FGR: variants seen among roughly 807,000 people sequenced by gnomAD.
The protein encoded by FGR is tyrosine-protein kinase Fgr.
A neutral mutation model predicts 63.2 loss-of-function variants in FGR; 26 were observed. The observed-to-expected ratio is 0.41, with a 90% CI of 0.30 to 0.57. The LOEUF (loss-of-function observed/expected upper bound fraction) is 0.57, where lower values mean the gene tolerates loss of function less well. FGR is among the 20% of genes least tolerant of loss of function. FGR has a pLI of 0.27. For synonymous variants in FGR, 286 were observed against 277.7 expected, an observed-to-expected ratio of 1.03 and a Z score of -0.30; for missense variants, 511 against 690.8, an observed-to-expected ratio of 0.74 and a Z score of 2.92.
rs751657997 is a variant in FGR, at chr1:27,616,827, G to C, written c.682+30C>G. 3 of 1,610,762 alleles carry C rather than the reference G, an allele frequency of 1.9e-6. No homozygotes were observed. On this transcript the variant is annotated intron_variant, in intron 7 of 12. Transcript: ENST00000374005. This position sits in a 1 kb window ranked among gnomAD's most constrained non-coding sequence, Gnocchi z 4.3. The stretch of plus-strand genomic sequence containing the variant: ...CATCTGGACAATGCTTCAGTTGGTT[G>C]GTTCAGGGATCTGAGGCCCCTGCCC...
In FGR at chr1:27,615,539, C is replaced by T. The variant is rs2089790201; in HGVS notation, c.913G>A (p.Glu305Lys). The T allele has an allele frequency of 2.5e-6, 4 of 1,613,888 alleles. No homozygotes were observed. The highest frequency in any genetic ancestry group is 3.4e-6 in the Non-Finnish European group (4 of 1,179,892). ...PGTMSPKAFL[E>K]EAQVMKLLRH... ...AGCAGCTTCATGACCTGCGCCTCCT[C>T]CAGGAAGGCCTTCGGGGACATGGTG... The change falls in exon 9 of 13, where the codon GAG (glutamate) becomes AAG (lysine). Residue 305 changes from glutamate to lysine, a missense_variant. Glu to Lys is a moderately conservative substitution (Grantham distance 56). Coordinates refer to ENST00000374005, the MANE Select transcript of FGR (RefSeq NM_005248.3). The surrounding 1 kb of genome is among the most constrained non-coding windows in gnomAD (Gnocchi z 7.6).
At position 27,616,201 on chromosome 1, in the gene FGR, TC is replaced by T; in HGVS notation, c.683-358del. Among the ~76,000 whole-genome samples, 1 of 152,118 alleles carries T rather than the reference TC, an allele frequency of 6.6e-6. No individual in the cohort carries two copies. Among genetic ancestry groups the T allele is most frequent in the Non-Finnish European group, 1.5e-5 (1 of 68,006 alleles). On this transcript the variant is annotated intron_variant, in intron 7 of 12. Transcript: ENST00000374005. The surrounding 1 kb of genome is among the most constrained non-coding windows in gnomAD (Gnocchi z 4.3). ...GGTGTGGACATGAGGCCCACGGTCT[TC>T]CGTGGACCTCATCCTTGGCATAACC...
chr1:27,621,527 A>C (rs1295193766), intron 5 of FGR, 32 bp downstream of exon 5: 1 of 1,545,946 alleles, frequency 6.5e-7, no homozygotes, highest in African/African-American at 1.4e-5. Flanking sequence ...GGTCCTGTCC[A>C]TAGGGCTGGT....
chr1:27,615,556 G>A lies in FGR; in HGVS notation c.896C>T (p.Ser299Phe). ...CGCCTCCTCCAGGAAGGCCTTCGGG[G>A]ACATGGTGCCCGGCTTCAGCGTCTT... is the stretch of plus-strand genomic sequence containing the variant. The part of the protein sequence containing the change: ...AVKTLKPGTM[S>F]PKAFLEEAQV... The change falls in exon 9 of 13, where the codon TCC (serine) becomes TTC (phenylalanine). Residue 299 changes from serine to phenylalanine, a missense_variant. Coordinates refer to ENST00000374005, the MANE Select transcript of FGR (RefSeq NM_005248.3). The surrounding 1 kb of genome is among the most constrained non-coding windows in gnomAD (Gnocchi z 7.6). 1 of 1,613,848 alleles carries A rather than the reference G, an allele frequency of 6.2e-7. No individual in the cohort carries two copies. The highest frequency in any genetic ancestry group is 8.5e-7 in the Non-Finnish European group (1 of 1,179,764).
At chr1:27,630,077 G>A (rs2148532026) in intron 1 of FGR, among the ~76,000 whole-genome samples, 1 of 152,074 alleles carries the variant, frequency 6.6e-6, no homozygotes, top group South Asian at 2.1e-4. Context: ...TTTTGAGACG[G>A]GGTCTCACTC....
chr1:27,623,791 C>A lies in FGR; in HGVS notation c.126G>T (p.Arg42=). The part of the protein sequence containing the change: ...DHYGPDPTKA[R]PASSFAHIPN... ...GGATGTGGGCAAATGAGGATGCAGGCCGGGCCTTAGTGGGGTCAGGCCCAT... is the reference window on the plus strand; with the variant it reads ...GGATGTGGGCAAATGAGGATGCAGGACGGGCCTTAGTGGGGTCAGGCCCAT... Residue 42 remains arginine, a synonymous_variant, in exon 3 of 13, where the codon CGG becomes CGT. Coordinates refer to ENST00000374005, the MANE Select transcript of FGR (RefSeq NM_005248.3). 1.9e-6 allele frequency: 3 copies of A among 1,614,242 alleles called. No individual in the cohort carries two copies. The highest frequency in any genetic ancestry group is 2.5e-6 in the Non-Finnish European group (3 of 1,180,050).
intron 1 of FGR, among the ~76,000 whole-genome samples, chr1:27,628,746 A>G (rs1026687766): frequency 6.6e-6 from 1 of 152,144 alleles, no homozygotes; most frequent in African/African-American, 2.4e-5. Flanking sequence ...CATGCCCAGT[A>G]TGGCTGGAAG....
Position 27,615,830 on chromosome 1 carries a change from G to T in FGR, c.697C>A (p.Leu233Met). 1 of 1,592,404 alleles carries T rather than the reference G, an allele frequency of 6.3e-7. No individual in the cohort carries two copies. Among genetic ancestry groups the T allele is most frequent in the Non-Finnish European group, 8.6e-7 (1 of 1,168,982 alleles). ...CAGGGCGCGATGAGCAGGTTGCACA[G>T]CCCGTCATTCACCTCTAGGGGAGGG... ...VQHYMEVNDG[L>M]CNLLIAPCTI... The change falls in exon 8 of 13, where the codon CTG becomes ATG. Residue 233 changes from leucine (L) to methionine (M), a missense_variant. By Grantham distance (15) the Leu-to-Met change is conservative. Transcript: ENST00000374005. The surrounding 1 kb of genome is among the most constrained non-coding windows in gnomAD (Gnocchi z 7.6).
At chr1:27,623,502 C>A (rs1249694329) in intron 3 of FGR, 189 bp downstream of exon 3, 7 of 677,572 alleles carry the variant, frequency 1.0e-5, no homozygotes, top group Middle Eastern at 4.8e-4. Context: ...AGCTTCTTGA[C>A]CCTCCCCTGC....
chr1:27,623,217 T>A, intron 3 of FGR, 73 bp from the exon 4 acceptor site: 1 of 1,135,230 alleles, frequency 8.8e-7, no homozygotes, highest in South Asian at 1.3e-5. Flanking sequence ...CCCAAATTCC[T>A]GTTCCCCAGC....
intron 5 of FGR, among the ~76,000 whole-genome samples, chr1:27,620,610 CT>C (rs1336413510): frequency 6.6e-6 from 1 of 152,086 alleles, no homozygotes; most frequent in African/African-American, 2.4e-5. Context: ...GAGCACGCCC[CT>C]GTCTCTTAAA....
intron 2 of FGR, among the ~76,000 whole-genome samples, chr1:27,624,394 C>T (rs2089984555): frequency 6.6e-6 from 1 of 152,120 alleles, no homozygotes; most frequent in Admixed American, 6.5e-5. Flanking sequence ...GTGCCAGTAC[C>T]CCTGGCTAAT....
At chr1:27,634,409 C>T (rs776620016) in intron 1 of FGR, among the ~76,000 whole-genome samples, 1 of 152,168 alleles carries the variant, frequency 6.6e-6, no homozygotes, top group Admixed American at 6.5e-5. Context: ...CCCTGCAGCC[C>T]GGAACCTACC....
At chr1:27,622,801 C>T (rs576484095) in intron 4 of FGR, among the ~76,000 whole-genome samples, 5 of 152,340 alleles carry the variant, frequency 3.3e-5, no homozygotes, top group East Asian at 1.9e-4. Flanking sequence ...CCACTGCACC[C>T]GGCCGTCTAT....
At position 27,616,309 on chromosome 1, in the gene FGR, G is replaced by C. The variant is rs1464436784; in HGVS notation, c.683-465C>G. Among the ~76,000 whole-genome samples the C allele has an allele frequency of 1.3e-5, 2 of 152,156 alleles. No homozygotes were observed. The highest frequency in any genetic ancestry group is 2.9e-5 in the Non-Finnish European group (2 of 68,028). ...TTCTCCACCAAGTCAGGCCTATTCT[G>C]CCTCCTACCCAGCTTCAGAATCGTC... On this transcript the variant is annotated intron_variant, in intron 7 of 12. Coordinates refer to ENST00000374005, the MANE Select transcript of FGR (RefSeq NM_005248.3). The surrounding 1 kb of genome is among the most constrained non-coding windows in gnomAD (Gnocchi z 4.3).
At chr1:27,632,006 G>A (rs1470348228) in intron 1 of FGR, among the ~76,000 whole-genome samples, 1 of 151,966 alleles carries the variant, frequency 6.6e-6, no homozygotes, top group Non-Finnish European at 1.5e-5. Flanking sequence ...CTCAGACCGG[G>A]CGGGCTTCCA....
chr1:27,622,797 C>T (rs1157236931), intron 4 of FGR, among the ~76,000 whole-genome samples: 1 of 152,258 alleles, frequency 6.6e-6, no homozygotes, highest in Non-Finnish European at 1.5e-5. Flanking sequence ...TGAGCCACTG[C>T]ACCCGGCCGT....
chr1:27,632,007 C>A (rs1046852393), intron 1 of FGR, among the ~76,000 whole-genome samples: 1 of 152,068 alleles, frequency 6.6e-6, no homozygotes, highest in East Asian at 1.9e-4. Context: ...TCAGACCGGG[C>A]GGGCTTCCAT....
intron 1 of FGR, among the ~76,000 whole-genome samples, chr1:27,627,450 AC>A (rs1260744125): frequency 1.3e-4 from 1 of 7,628 alleles, no homozygotes; most frequent in Non-Finnish European, 3.6e-3. Flanking sequence ...GCACATGAAC[AC>A]ACACACACAC....
Sources: allele counts gnomAD v4.1 joint callset (sites outside exome capture counted in the v4.1 genomes callset), GRCh38; gene constraint gnomAD v4.1.1; non-coding constraint Gnocchi (gnomAD v3.1); transcripts MANE v1.5; gene names NCBI Gene and HGNC (gene_info 2026-07-23, HGNC 2026-07-21).